The following LARGE1 variants were observed in gnomAD, a reference collection of about 807,000 sequenced individuals.
LARGE1 encodes the protein xylosyl- and glucuronyltransferase LARGE1.
In LARGE1, 43 loss-of-function variants were observed where a neutral mutation model predicts 87.6. That is an observed-to-expected ratio of 0.49 (90% CI 0.38 to 0.63). The LOEUF (loss-of-function observed/expected upper bound fraction) is 0.63, where lower values mean the gene tolerates loss of function less well. Among genes scored for constraint, LARGE1 ranks in the 30% least tolerant of loss-of-function variants. The pLI is 0.00. For missense variants in LARGE1, 802 were observed against 1,000.2 expected (o/e 0.80, Z 2.67); for synonymous variants, 434 against 394.6 (o/e 1.10, Z -1.18).
intron 6 of LARGE1, among the ~76,000 whole-genome samples, chr22:33,433,561 A>G (rs138239006): frequency 0.012 from 1,722 of 142,228 alleles, 36 homozygotes; most frequent in African/African-American, 0.042. Flanking sequence ...GCACCACTGC[A>G]CTCCAGTCTG....
At chr22:33,477,357 T>C (rs929683519) in intron 6 of LARGE1, among the ~76,000 whole-genome samples, 1 of 152,248 alleles carries the variant, frequency 6.6e-6, no homozygotes, top group African/African-American at 2.4e-5. Flanking sequence ...GTTAAAAGTT[T>C]CTACTTGATA....
At chr22:33,543,239 T>G (rs963979559) in intron 6 of LARGE1, among the ~76,000 whole-genome samples, 3 of 150,284 alleles carry the variant, frequency 2.0e-5, no homozygotes, top group Non-Finnish European at 4.4e-5. Flanking sequence ...CCCAGGATGG[T>G]GAGCCCAAGT....
intron 6 of LARGE1, among the ~76,000 whole-genome samples, chr22:33,516,121 A>C (rs1242077479): frequency 6.6e-6 from 1 of 152,202 alleles, no homozygotes; most frequent in Non-Finnish European, 1.5e-5. Flanking sequence ...GTTTGAGAGA[A>C]GACTGATGGC....
intron 7 of LARGE1, among the ~76,000 whole-genome samples, chr22:33,412,585 T>G (rs953086882): frequency 6.6e-6 from 1 of 152,338 alleles, no homozygotes; most frequent in Admixed American, 6.5e-5. Context: ...TTAAGAGTTT[T>G]GAGTATTTGT....
intron 10 of LARGE1, among the ~76,000 whole-genome samples, chr22:33,333,088 G>A (rs113482929): frequency 0.12 from 18,561 of 150,128 alleles, 2,871 homozygotes; most frequent in African/African-American, 0.37. Flanking sequence ...CTCACTGCAA[G>A]CTCTGCCTCC....
At chr22:33,165,687 A>G (rs1008043358) in exon 12 of LARGE1, 1 of 152,164 alleles carries the variant, frequency 6.6e-6, no homozygotes, top group African/African-American at 2.4e-5. Flanking sequence ...TCACTCTAAC[A>G]TCCCTTTTAT....
intron 9 of LARGE1, among the ~76,000 whole-genome samples, chr22:33,352,234 A>T (rs2146771073): frequency 6.6e-6 from 1 of 152,350 alleles, no homozygotes; most frequent in Middle Eastern, 3.4e-3. Flanking sequence ...TATACTAGAC[A>T]AACCAACTTA....
intron 1 of LARGE1, among the ~76,000 whole-genome samples, chr22:33,829,206 G>A (rs569425861): frequency 6.6e-5 from 10 of 151,520 alleles, no homozygotes; most frequent in East Asian, 5.9e-4. Context: ...ACGGGGTTTC[G>A]CCATGTTGTC....
At chr22:33,476,081 A>C (rs988718453) in intron 6 of LARGE1, among the ~76,000 whole-genome samples, 2 of 152,280 alleles carry the variant, frequency 1.3e-5, no homozygotes, top group Non-Finnish European at 1.5e-5. Flanking sequence ...CAATTTGGCC[A>C]CAAGGAAATT....
chr22:33,818,163 T>A (rs368043191), intron 1 of LARGE1, among the ~76,000 whole-genome samples: 35 of 152,350 alleles, frequency 2.3e-4, no homozygotes, highest in East Asian at 1.4e-3. Context: ...CTCCTTCTCA[T>A]AGGGCTTCTT....
At chr22:33,897,706 C>T (rs770238932) in intron 1 of LARGE1, among the ~76,000 whole-genome samples, 9 of 152,062 alleles carry the variant, frequency 5.9e-5, no homozygotes, top group Non-Finnish European at 1.2e-4. Context: ...TGACAAAGCT[C>T]CGTGTTGAAG....
intron 11 of LARGE1, among the ~76,000 whole-genome samples, chr22:33,306,700 C>T (rs1353802546): frequency 2.6e-5 from 4 of 151,944 alleles, no homozygotes; most frequent in Non-Finnish European, 4.4e-5. Flanking sequence ...GGTGAAACCC[C>T]ATCTCTACTA....
At chr22:33,459,068 A>G (rs192662083) in intron 6 of LARGE1, among the ~76,000 whole-genome samples, 2 of 152,086 alleles carry the variant, frequency 1.3e-5, no homozygotes, top group Admixed American at 1.3e-4. Flanking sequence ...AGGTTTGTAT[A>G]TATGTGCCAT....
At chr22:33,483,631 C>T (rs770370385) in intron 6 of LARGE1, among the ~76,000 whole-genome samples, 25 of 151,972 alleles carry the variant, frequency 1.6e-4, no homozygotes, top group Middle Eastern at 6.3e-3. Context: ...TAGGAGGGGT[C>T]GGGCTGCATT....
At chr22:33,196,512 T>G in intron 11 of LARGE1, among the ~76,000 whole-genome samples, 1 of 152,124 alleles carries the variant, frequency 6.6e-6, no homozygotes, top group Non-Finnish European at 1.5e-5. Context: ...TAAAAATTAT[T>G]TTTATTAAGA....
In LARGE1 at chr22:33,810,727, C is replaced by CT. The variant is rs200170340; in HGVS notation, c.-82-49170dup. Among the ~76,000 whole-genome samples the CT allele has an allele frequency of 8.6e-3, 1,224 of 143,126 alleles. 7 individuals are homozygous for CT. The highest frequency in any genetic ancestry group is 0.02 in the East Asian group (97 of 4,900). 93.9% of individuals were successfully genotyped at this position (143,126 alleles called of 152,430 possible). On this transcript the variant is annotated intron_variant, in intron 1 of 14. Coordinates refer to ENST00000397394, the MANE Select transcript of LARGE1 (RefSeq NM_133642.5). ...GTAGTACAGGGTGAGGGATGAATTT[C>CT]TTTTTTTTTTTTTTGAGATGGAGTC...
chr22:33,854,116 G>C (rs2063688297), intron 1 of LARGE1, among the ~76,000 whole-genome samples: 1 of 147,368 alleles, frequency 6.8e-6, no homozygotes, highest in East Asian at 2.0e-4. Context: ...AGATCCATTT[G>C]CATCAAAAAC....
At chr22:33,823,369 T>A (rs1012263475) in intron 1 of LARGE1, among the ~76,000 whole-genome samples, 1 of 152,234 alleles carries the variant, frequency 6.6e-6, no homozygotes, top group Non-Finnish European at 1.5e-5. Context: ...AGAAGCCTTA[T>A]GTTTTCATCC....
At chr22:33,298,226 G>A (rs746128514) in intron 12 of LARGE1, among the ~76,000 whole-genome samples, 3 of 152,068 alleles carry the variant, frequency 2.0e-5, no homozygotes, top group Admixed American at 6.6e-5. Flanking sequence ...TGTGAATCCC[G>A]ATGCTAGCAA....
Sources: gnomAD v4.1 joint callset for allele counts (sites outside exome capture counted in the v4.1 genomes callset) on GRCh38, gnomAD v4.1.1 for gene constraint, MANE v1.5 for transcripts, NCBI Gene and HGNC (gene_info 2026-07-23, HGNC 2026-07-21) for gene names.